SBF2: variants seen among roughly 807,000 people sequenced by gnomAD.
The protein encoded by SBF2 is myotubularin-related protein 13.
SBF2 carries 112 observed loss-of-function variants against 225.2 expected under a neutral mutation model. The ratio of observed to expected loss-of-function variants is 0.50; its 90% CI spans 0.43 to 0.58. The LOEUF (loss-of-function observed/expected upper bound fraction) is 0.58, where lower values mean the gene tolerates loss of function less well. SBF2 is among the 20% of genes least tolerant of loss of function. The probability of loss-of-function intolerance (pLI) is 0.00; values close to 1 mark genes in which losing one functional copy is unlikely to be tolerated. For missense variants in SBF2, 1,996 were observed against 2,206.2 expected, an observed-to-expected ratio of 0.90 and a Z score of 1.91; for synonymous variants, 763 against 773.3, an observed-to-expected ratio of 0.99 and a Z score of 0.22.
At chr11:9,890,810 G>A (rs1183197253) in intron 17 of SBF2, among the ~76,000 whole-genome samples, 1 of 152,114 alleles carries the variant, frequency 6.6e-6, no homozygotes, top group East Asian at 1.9e-4. Flanking sequence ...TGACCCTGAG[G>A]TGCATGGGTC....
chr11:10,231,445 A>G (rs981735948), intron 1 of SBF2, among the ~76,000 whole-genome samples: 2 of 151,852 alleles, frequency 1.3e-5, no homozygotes, highest in Admixed American at 6.6e-5. Flanking sequence ...GGCTTTATCT[A>G]CCTTTGGTCT....
intron 2 of SBF2, among the ~76,000 whole-genome samples, chr11:10,154,519 T>C (rs1171617309): frequency 2.6e-5 from 4 of 152,284 alleles, no homozygotes. Flanking sequence ...AGTTTCTAGT[T>C]CTCTGCCACA....
chr11:10,194,220 T>C (rs1957283413), intron 1 of SBF2, among the ~76,000 whole-genome samples: 1 of 152,172 alleles, frequency 6.6e-6, no homozygotes, highest in Non-Finnish European at 1.5e-5. Flanking sequence ...ATTGAAAATA[T>C]TTGGGATGAA....
intron 1 of SBF2, among the ~76,000 whole-genome samples, chr11:10,253,482 C>A (rs1351146043): frequency 6.6e-6 from 1 of 152,100 alleles, no homozygotes; most frequent in Non-Finnish European, 1.5e-5. Flanking sequence ...TTCTTAATTT[C>A]TTTTTGTTCC....
At chr11:10,025,607 T>C (rs1473560919) in intron 6 of SBF2, among the ~76,000 whole-genome samples, 1 of 152,092 alleles carries the variant, frequency 6.6e-6, no homozygotes, top group African/African-American at 2.4e-5. Context: ...TTTATTTTAT[T>C]TGTTTATTTT....
chr11:10,205,879 A>G (rs996211556), intron 1 of SBF2, among the ~76,000 whole-genome samples: 3 of 152,004 alleles, frequency 2.0e-5, no homozygotes, highest in Non-Finnish European at 1.5e-5. Flanking sequence ...AGCAAGAGGT[A>G]TCTCGCTGTA....
intron 2 of SBF2, among the ~76,000 whole-genome samples, chr11:10,081,720 A>G (rs1951372372): frequency 6.7e-6 from 1 of 150,200 alleles, no homozygotes; most frequent in Non-Finnish European, 1.5e-5. Flanking sequence ...AGATTGCGCC[A>G]CTGCACTCCA....
rs374906614 is a variant in SBF2, at chr11:10,300,286, G to A, written n.386+4206C>T. Among the ~76,000 whole-genome samples the A allele has an allele frequency of 2.0e-5, 3 of 152,264 alleles. 1 individual carries two copies. Among genetic ancestry groups the A allele is most frequent in the African/African-American group, 7.2e-5 (3 of 41,536 alleles). On this transcript the variant is annotated intron_variant and non_coding_transcript_variant, in intron 1 of 5. Transcript: ENST00000685217. ...GTGATTACTGTATGTTGAGAACTTA[G>A]CACAGTGCTGGGTATATAATATATA...
intron 15 of SBF2, among the ~76,000 whole-genome samples, chr11:9,962,995 T>C (rs1422384373): frequency 6.6e-6 from 1 of 152,156 alleles, no homozygotes; most frequent in African/African-American, 2.4e-5. Context: ...TGAAAATAGA[T>C]ATTCAGAACT....
chr11:10,020,482 T>C (rs10840342), intron 6 of SBF2, among the ~76,000 whole-genome samples: 78,277 of 151,710 alleles, frequency 0.52, 20,854 homozygotes, highest in Admixed American at 0.61. Context: ...AAAGCCAAAC[T>C]GTGCACTTGC....
At chr11:10,190,318 T>A (rs1957114519) in intron 2 of SBF2, among the ~76,000 whole-genome samples, 1 of 152,216 alleles carries the variant, frequency 6.6e-6, no homozygotes, top group East Asian at 1.9e-4. Context: ...TGAAATGCTG[T>A]CACTAAAATT....
intron 33 of SBF2, 187 bp from the exon 34 acceptor site, chr11:9,790,870 G>C (rs1852697187): frequency 2.0e-6 from 1 of 507,908 alleles, no homozygotes; most frequent in Admixed American, 3.4e-5. Context: ...TCGCTACAGG[G>C]AAACAGATCC....
intron 1 of SBF2, among the ~76,000 whole-genome samples, chr11:10,203,608 A>G (rs1957643174): frequency 1.3e-5 from 2 of 151,066 alleles, no homozygotes; most frequent in Non-Finnish European, 3.0e-5. Flanking sequence ...AAGAAGCAGA[A>G]AAGTATGGGC....
intron 17 of SBF2, among the ~76,000 whole-genome samples, chr11:9,888,868 C>G (rs1391191548): frequency 1.3e-5 from 2 of 152,264 alleles, no homozygotes; most frequent in East Asian, 3.9e-4. Context: ...GCCACATTTC[C>G]TTCACCTTAA....
intron 16 of SBF2, among the ~76,000 whole-genome samples, chr11:9,908,722 G>A (rs1250929688): frequency 2.0e-5 from 3 of 152,084 alleles, no homozygotes; most frequent in African/African-American, 7.2e-5. Flanking sequence ...AGAAAGGGCA[G>A]GGTCTCACTC....
intron 2 of SBF2, among the ~76,000 whole-genome samples, chr11:10,124,324 C>T (rs964435576): frequency 4.6e-5 from 7 of 152,128 alleles, no homozygotes; most frequent in Non-Finnish European, 8.8e-5. Flanking sequence ...TGTTAACCTG[C>T]CTACTTACTC....
At chr11:10,106,144 A>G (rs1952541307) in intron 2 of SBF2, among the ~76,000 whole-genome samples, 1 of 152,216 alleles carries the variant, frequency 6.6e-6, no homozygotes, top group African/African-American at 2.4e-5. Context: ...AGTAGTGAAC[A>G]TAGTACCCAA....
intron 2 of SBF2, among the ~76,000 whole-genome samples, chr11:10,123,709 CT>C (rs1171443819): frequency 6.6e-6 from 1 of 151,882 alleles, no homozygotes; most frequent in Non-Finnish European, 1.5e-5. Flanking sequence ...AAATATTTTC[CT>C]TACTTCCACT....
At chr11:10,215,781 T>A (rs1016312217) in intron 1 of SBF2, among the ~76,000 whole-genome samples, 1 of 152,214 alleles carries the variant, frequency 6.6e-6, no homozygotes, top group Admixed American at 6.5e-5. Flanking sequence ...CAAATCATTT[T>A]CCCCAAAGTA....
Sources: allele counts gnomAD v4.1 joint callset (sites outside exome capture counted in the v4.1 genomes callset), GRCh38; gene constraint gnomAD v4.1.1; transcripts MANE v1.5; gene names NCBI Gene and HGNC (gene_info 2026-07-23, HGNC 2026-07-21).